The following WDR20 variants were observed in gnomAD, a reference collection of about 807,000 sequenced individuals.
WDR20 encodes WD repeat domain 20.
WDR20 carries 3 observed loss-of-function variants against 38.7 expected under a neutral mutation model. The ratio of observed to expected loss-of-function variants is 0.08; its 90% CI spans 0.04 to 0.20. The LOEUF is 0.20. Among genes scored for constraint, WDR20 ranks in the 10% least tolerant of loss-of-function variants. The probability of loss-of-function intolerance (pLI) is 1.00; values close to 1 mark genes in which losing one functional copy is unlikely to be tolerated. For synonymous variants in WDR20, 298 were observed against 285.6 expected (o/e 1.04, Z -0.44); for missense variants, 559 against 727.7 (o/e 0.77, Z 2.67).
chr14:102,191,287 G>T (rs2066340859), intron 1 of WDR20: 1 of 152,198 alleles, frequency 6.6e-6, no homozygotes, highest in Admixed American at 6.5e-5. Context: ...GACTGCCCCT[G>T]CCTGGGAAGC....
chr14:102,140,259 G>A (rs1414460074), intron 1 of WDR20, 87 bp downstream of exon 1: 2 of 1,561,078 alleles, frequency 1.3e-6, no homozygotes, highest in East Asian at 2.3e-5. Flanking sequence ...GGGTGACCGA[G>A]AGGGGTGGCC....
chr14:102,204,695 C>T (rs1261841932), intron 2 of WDR20, among the ~76,000 whole-genome samples: 3 of 152,252 alleles, frequency 2.0e-5, no homozygotes, highest in Non-Finnish European at 2.9e-5. Context: ...ATTTTCCATG[C>T]GAGGCAATTT....
chr14:102,172,644 C>T (rs1245055609), intron 1 of WDR20, among the ~76,000 whole-genome samples: 41 of 146,598 alleles, frequency 2.8e-4, no homozygotes, highest in African/African-American at 6.3e-4. Context: ...CCGGACGGGG[C>T]GGCTGGCCGG....
chr14:102,211,320 T>G (rs772571437), downstream of WDR20, among the ~76,000 whole-genome samples: 1 of 152,190 alleles, frequency 6.6e-6, no homozygotes, highest in Non-Finnish European at 1.5e-5. This position sits in a 1 kb window ranked among gnomAD's most constrained non-coding sequence, Gnocchi z 4.2. Context: ...GGCTTTTCTT[T>G]CTCTGCAGTG....
At chr14:102,143,453 GTAA>G (rs144705509) in intron 1 of WDR20, among the ~76,000 whole-genome samples, 2,277 of 152,160 alleles carry the variant, frequency 0.015, 62 homozygotes, top group African/African-American at 0.052. Flanking sequence ...TACTGTGATA[GTAA>G]TAATACCAGG....
At chr14:102,152,461 C>T (rs2056245052) in intron 1 of WDR20, among the ~76,000 whole-genome samples, 1 of 149,612 alleles carries the variant, frequency 6.7e-6, no homozygotes, top group South Asian at 2.1e-4. Flanking sequence ...TGTCACCAGG[C>T]TGGAGTACAG....
chr14:102,201,990 C>T (rs2152977454), intron 2 of WDR20, among the ~76,000 whole-genome samples: 1 of 152,260 alleles, frequency 6.6e-6, no homozygotes, highest in South Asian at 2.1e-4. Context: ...CAGAGCCTTC[C>T]TGCCTCTGCC....
At chr14:102,185,779 G>A in intron 1 of WDR20, among the ~76,000 whole-genome samples, 1 of 149,752 alleles carries the variant, frequency 6.7e-6, no homozygotes. Context: ...TTGCGCCACT[G>A]CAGTCCAGCT....
At chr14:102,139,659 G>A, upstream of WDR20, 1 of 647,524 alleles carries the variant, frequency 1.5e-6, no homozygotes, top group Non-Finnish European at 2.6e-6. Context: ...CACCTGGGAA[G>A]CAGCCATGCC....
intron 1 of WDR20, among the ~76,000 whole-genome samples, chr14:102,155,657 CT>C (rs1346486776): frequency 3.9e-5 from 6 of 152,160 alleles, no homozygotes; most frequent in Admixed American, 3.9e-4. Flanking sequence ...AAATATTTCA[CT>C]TTAAAAAATT....
At chr14:102,183,433 T>G (rs1174067043) in intron 1 of WDR20, among the ~76,000 whole-genome samples, 1 of 152,270 alleles carries the variant, frequency 6.6e-6, no homozygotes, top group African/African-American at 2.4e-5. Flanking sequence ...GCTTCCTGTT[T>G]GAAACACAGC....
Position 102,208,479 on chromosome 14 carries a change from T to TAA in WDR20, c.433-121_433-120dup. 1.5e-6 allele frequency: 2 copies of TAA among 1,329,212 alleles called. No individual in the cohort carries two copies. The highest frequency in any genetic ancestry group is 3.2e-5 in the South Asian group (2 of 63,048). 82.3% of individuals were successfully genotyped at this position (1,329,212 alleles called of 1,614,324 possible). A position where few individuals can be genotyped will look rare whatever the true frequency, so the allele number is the denominator to read the frequency against. Reference sequence around the variant, plus strand: ...CTTGCTGGCTTGGCTGACTGCAGGATAAAATGTGGAGGGCCTGGATAGACT... The same window carrying TAA: ...CTTGCTGGCTTGGCTGACTGCAGGATAAAAAATGTGGAGGGCCTGGATAGACT... On this transcript the variant is annotated intron_variant, in intron 2 of 2. Coordinates refer to ENST00000342702, the MANE Select transcript of WDR20 (RefSeq NM_144574.4). This position sits in a 1 kb window ranked among gnomAD's most constrained non-coding sequence, Gnocchi z 5.6.
Position 102,209,927 on chromosome 14 carries a change from T to C in WDR20, c.*47T>C. On this transcript the variant is annotated 3_prime_UTR_variant, in exon 3 of 3. Transcript: ENST00000342702. The surrounding 1 kb of genome is among the most constrained non-coding windows in gnomAD (Gnocchi z 6.0). ...TGAATAGGTAGTGACTTTTTTCTTTTTCGTGGGAGGGGTGGGGTGTACAAT... is the reference window on the plus strand; with the variant it reads ...TGAATAGGTAGTGACTTTTTTCTTTCTCGTGGGAGGGGTGGGGTGTACAAT... The C allele has an allele frequency of 6.5e-7, 1 of 1,534,464 alleles. No homozygotes were observed. Among genetic ancestry groups the C allele is most frequent in the Non-Finnish European group, 8.7e-7 (1 of 1,146,120 alleles).
intron 1 of WDR20, among the ~76,000 whole-genome samples, chr14:102,154,541 A>G (rs867794597): frequency 1.3e-5 from 2 of 152,206 alleles, no homozygotes; most frequent in Non-Finnish European, 2.9e-5. Flanking sequence ...GGACACAAAC[A>G]TTCAGACCAT....
intron 1 of WDR20, among the ~76,000 whole-genome samples, chr14:102,175,109 G>A (rs557033318): frequency 1.3e-5 from 2 of 152,262 alleles, no homozygotes; most frequent in South Asian, 4.1e-4. Context: ...TGGGTTCTTG[G>A]TCATGAAATC....
intron 1 of WDR20, among the ~76,000 whole-genome samples, chr14:102,142,069 G>C (rs2051429983): frequency 6.6e-6 from 1 of 152,170 alleles, no homozygotes; most frequent in South Asian, 2.1e-4. Flanking sequence ...ATTCCCTGAA[G>C]GGTAAAAGGA....
chr14:102,200,646 A>G (rs559878668), intron 2 of WDR20, among the ~76,000 whole-genome samples: 37 of 152,306 alleles, frequency 2.4e-4, no homozygotes, highest in African/African-American at 8.2e-4. Context: ...ATTTTGGAGT[A>G]TATTCACAGA....
chr14:102,142,907 G>C (rs2051977269), intron 1 of WDR20, among the ~76,000 whole-genome samples: 1 of 149,404 alleles, frequency 6.7e-6, no homozygotes. Flanking sequence ...GTAGAAAATA[G>C]GTCTTTTAAA....
At chr14:102,187,908 G>A (rs1274768606) in intron 1 of WDR20, among the ~76,000 whole-genome samples, 1 of 152,150 alleles carries the variant, frequency 6.6e-6, no homozygotes, top group Non-Finnish European at 1.5e-5. Context: ...TTGGGTGTAG[G>A]CCAGGTAAGT....
Sources: allele counts gnomAD v4.1 joint callset (sites outside exome capture counted in the v4.1 genomes callset), GRCh38; gene constraint gnomAD v4.1.1; non-coding constraint Gnocchi (gnomAD v3.1); transcripts MANE v1.5; gene names NCBI Gene and HGNC (gene_info 2026-07-23, HGNC 2026-07-21).